Variants in SDHB observed in about 807,000 individuals in gnomAD.
The protein encoded by SDHB is succinate dehydrogenase complex iron sulfur subunit B.
Under a neutral mutation model 39.7 loss-of-function variants are expected in SDHB, and 21 were observed. That is an observed-to-expected ratio of 0.53 (90% confidence interval 0.37 to 0.76). SDHB has a LOEUF of 0.76. Among genes scored for constraint, SDHB ranks in the 30% least tolerant of loss-of-function variants. The pLI is 0.00. For synonymous variants in SDHB, 118 were observed against 117.0 expected (o/e 1.01, Z -0.06); for missense variants, 343 against 350.9 (o/e 0.98, Z 0.18).
chr1:17,026,947 T>C (rs1028425337), intron 5 of SDHB, among the ~76,000 whole-genome samples: 11 of 152,146 alleles, frequency 7.2e-5, no homozygotes, highest in Admixed American at 1.3e-4. Context: ...AAAATTTATA[T>C]ATATTTTTAC....
chr1:17,036,712 A>G (rs1236174795), intron 2 of SDHB, among the ~76,000 whole-genome samples: 4 of 146,746 alleles, frequency 2.7e-5, no homozygotes, highest in African/African-American at 9.9e-5. Flanking sequence ...ATGAATATAT[A>G]AATATAAATA....
At chr1:17,021,984 A>T (rs972287086) in intron 7 of SDHB, among the ~76,000 whole-genome samples, 7 of 152,174 alleles carry the variant, frequency 4.6e-5, no homozygotes, top group Non-Finnish European at 7.3e-5. Flanking sequence ...GTGGCCTCTG[A>T]TGTGCAGGCA....
At chr1:17,023,321 G>C (rs1024393373) in intron 6 of SDHB, among the ~76,000 whole-genome samples, 2 of 152,168 alleles carry the variant, frequency 1.3e-5, no homozygotes, top group Non-Finnish European at 2.9e-5. Context: ...ACAAGTATGA[G>C]TGTACTTCAT....
chr1:17,053,366 C>T (rs998819972), intron 1 of SDHB, among the ~76,000 whole-genome samples: 1 of 152,072 alleles, frequency 6.6e-6, no homozygotes, highest in Non-Finnish European at 1.5e-5. Context: ...TTAAGGAACC[C>T]AGTCTTTCCT....
At chr1:17,021,468 G>C (rs1193880279) in intron 7 of SDHB, among the ~76,000 whole-genome samples, 2 of 152,096 alleles carry the variant, frequency 1.3e-5, no homozygotes, top group Non-Finnish European at 2.9e-5. Context: ...AGAGGGGCCG[G>C]TCGCGGTGGC....
At chr1:17,023,579 G>C (rs143995193) in intron 6 of SDHB, among the ~76,000 whole-genome samples, 4 of 152,302 alleles carry the variant, frequency 2.6e-5, no homozygotes, top group East Asian at 3.9e-4. Flanking sequence ...CTGGGAAACA[G>C]CTTCCAATCT....
At position 17,039,459 on chromosome 1, in the gene SDHB, T is replaced by C. The variant is rs190327860; in HGVS notation, c.200+5302A>G. ...AAAATTGGCCAGGCATAGTGGTACATGCCTGTAGTCCCAGGGACATGGGAG... is the reference window on the plus strand; with the variant it reads ...AAAATTGGCCAGGCATAGTGGTACACGCCTGTAGTCCCAGGGACATGGGAG... On this transcript the variant is annotated intron_variant, in intron 2 of 7. Transcript: ENST00000375499. 1.4e-4 allele frequency among the ~76,000 whole-genome samples: 21 copies of C among 148,434 alleles called. No individual in the cohort carries two copies. The East Asian group carries it at 2.8e-3, about 19-fold the overall frequency.
intron 2 of SDHB, among the ~76,000 whole-genome samples, chr1:17,044,371 C>T (rs1048220137): frequency 2.7e-5 from 4 of 150,428 alleles, no homozygotes; most frequent in African/African-American, 9.8e-5. Flanking sequence ...GTTGCCCAGG[C>T]TGGAGTGCAA....
chr1:17,045,223 T>C (rs921940725), intron 1 of SDHB: 20 of 341,858 alleles, frequency 5.9e-5, no homozygotes, highest in African/African-American at 4.3e-4. Flanking sequence ...GAGCTCTGGA[T>C]GAATACAGCA....
intron 2 of SDHB, among the ~76,000 whole-genome samples, chr1:17,033,399 C>A (rs1012056504): frequency 2.6e-5 from 4 of 152,224 alleles, no homozygotes; most frequent in African/African-American, 9.6e-5. Flanking sequence ...AAGTATGACA[C>A]AACTTCCATA....
intron 5 of SDHB, among the ~76,000 whole-genome samples, chr1:17,026,169 C>T (rs574429612): frequency 1.3e-5 from 2 of 152,182 alleles, no homozygotes; most frequent in South Asian, 4.1e-4. Context: ...ACTCGCTGGG[C>T]CAGAGGGCCC....
At position 17,044,023 on chromosome 1, in the gene SDHB, T is replaced by C. The variant is rs77348773; in HGVS notation, c.200+738A>G. Among the ~76,000 whole-genome samples, 8 of 152,316 alleles carry C rather than the reference T, an allele frequency of 5.3e-5. No individual in the cohort carries two copies. In the East Asian group the frequency reaches 1.5e-3, roughly 29 times the overall value. ...TTTAGGTTGTTTTAAGTCACTAAGT[T>C]TGTGGTAATTTGCTCTGACAGAAAT... On this transcript the variant is annotated intron_variant, in intron 2 of 7. Coordinates refer to ENST00000375499, the MANE Select transcript of SDHB (RefSeq NM_003000.3).
rs1419212714 is a variant in SDHB, at chr1:17,028,890, CCTT to C, written c.287-157_287-155del. 2.6e-5 allele frequency among the ~76,000 whole-genome samples: 4 copies of C among 152,252 alleles called. No homozygotes were observed. The East Asian group carries it at 7.8e-4, about 30-fold the overall frequency. ...AGGTGCCTGTTGGCTTTTCTCCCTT[CCTT>C]CCTTCTTCCTGCCTCGAATGTGGTT... On this transcript the variant is annotated intron_variant, in intron 3 of 7. Coordinates refer to ENST00000375499, the MANE Select transcript of SDHB (RefSeq NM_003000.3).
intron 3 of SDHB, 102 bp from the exon 4 acceptor site, chr1:17,028,838 C>T: frequency 1.5e-6 from 2 of 1,346,838 alleles, no homozygotes; most frequent in Non-Finnish European, 2.1e-6. Context: ...TCAGGGGCAG[C>T]ACTGACATGC....
chr1:17,022,966 C>T, intron 6 of SDHB: 1 of 481,594 alleles, frequency 2.1e-6, no homozygotes, highest in Non-Finnish European at 3.9e-6. Context: ...TACCCGGGTG[C>T]TTAATTATAC....
In SDHB at chr1:17,033,109, A is replaced by C. The variant is rs2078032308; in HGVS notation, c.237T>G (p.Ile79Met). ...TCAAAGTAGAGTCAACTTCATTCTT[A>C]ATCTTGATTAAAGCATCCAATACCA... ...GPMVLDALIK[I>M]KNEVDSTLTF... The change falls in exon 3 of 8, where the codon ATT (isoleucine) becomes ATG (methionine). Residue 79 changes from isoleucine (I) to methionine (M), a missense_variant. Coordinates refer to ENST00000375499, the MANE Select transcript of SDHB (RefSeq NM_003000.3). 6.2e-7 allele frequency: 1 copy of C among 1,613,914 alleles called. No homozygotes were observed.
At chr1:17,039,627 A>G (rs894597087) in intron 2 of SDHB, among the ~76,000 whole-genome samples, 1 of 152,062 alleles carries the variant, frequency 6.6e-6, no homozygotes. Context: ...TCAGAAGAAG[A>G]AAAAAAGTTA....
At position 17,044,885 on chromosome 1, in the gene SDHB, A is replaced by G. The variant is rs1570958165; in HGVS notation, c.76T>C (p.Ser26Pro). 6.2e-7 allele frequency: 1 copy of G among 1,613,548 alleles called. No homozygotes were observed. Among genetic ancestry groups the G allele is most frequent in the Non-Finnish European group, 8.5e-7 (1 of 1,179,876 alleles). Residue 26 changes from serine (S) to proline (P), a missense_variant, in exon 2 of 8, where the codon TCC becomes CCC. Transcript: ENST00000375499. ...GCTGCAGCTGTCTGGGCTCCTCGGG[A>G]GGCCTGAAATTTTTTAAAGTTCACA... is the stretch of plus-strand genomic sequence containing the variant. ...TTLGGACLQA[S>P]RGAQTAAATA... is the part of the protein sequence containing the mutation.
intron 2 of SDHB, among the ~76,000 whole-genome samples, chr1:17,038,998 C>T (rs1231707133): frequency 3.3e-5 from 5 of 151,864 alleles, no homozygotes; most frequent in South Asian, 2.1e-4. Context: ...TTTTTTCTTG[C>T]GCTTTTTCTT....
Sources: allele counts gnomAD v4.1 joint callset (sites outside exome capture counted in the v4.1 genomes callset), GRCh38; gene constraint gnomAD v4.1.1; transcripts MANE v1.5; gene names NCBI Gene and HGNC (gene_info 2026-07-23, HGNC 2026-07-21).